The following CD163L1 variants were observed in gnomAD, a reference collection of about 807,000 sequenced individuals.
CD163L1 encodes the protein scavenger receptor cysteine-rich type 1 protein M160.
CD163L1 carries 124 observed loss-of-function variants against 165.4 expected under a neutral mutation model. The observed-to-expected ratio is 0.75, with a 90% confidence interval of 0.65 to 0.87. The LOEUF is 0.87. Among genes scored for constraint, CD163L1 ranks in the 40% least tolerant of loss-of-function variants. CD163L1 has a pLI of 0.00. For synonymous variants in CD163L1, 585 were observed against 662.2 expected (o/e 0.88, Z 1.79); for missense variants, 1,525 against 1,799.9 (o/e 0.85, Z 2.76).
chr12:7,437,136 TTTA>T (rs201889184), intron 2 of CD163L1, among the ~76,000 whole-genome samples: 6 of 129,758 alleles, frequency 4.6e-5, no homozygotes, highest in Non-Finnish European at 9.6e-5. Flanking sequence ...ATTTATTTTA[TTTA>T]TTATTTTTAT....
At position 7,442,242 on chromosome 12, in the gene CD163L1, G is replaced by T. The variant is rs77152693; in HGVS notation, c.32-996C>A. On this transcript the variant is annotated intron_variant, in intron 1 of 19. Coordinates refer to ENST00000313599, the MANE Select transcript of CD163L1 (RefSeq NM_174941.6). ...ATTTTCATTAGTATCTTATGGAAAAGATGAAGTCAGAGTTAAACTGAGCAT... is the reference window on the plus strand; with the variant it reads ...ATTTTCATTAGTATCTTATGGAAAATATGAAGTCAGAGTTAAACTGAGCAT... Among the ~76,000 whole-genome samples the T allele has an allele frequency of 3.1e-3, 476 of 152,270 alleles. 24 individuals are homozygous for T. The East Asian group carries it at 0.075, about 24-fold the overall frequency.
the CD163L1 span, among the ~76,000 whole-genome samples, chr12:7,340,175 C>T: frequency 1.3e-5 from 2 of 152,108 alleles, no homozygotes; most frequent in Admixed American, 6.6e-5. Context: ...CCTATAGATA[C>T]CCTGAAGAGG....
chr12:7,389,658 G>T (rs1046377874), intron 8 of CD163L1, among the ~76,000 whole-genome samples: 3 of 151,976 alleles, frequency 2.0e-5, no homozygotes, highest in African/African-American at 7.2e-5. Flanking sequence ...ATAAGTTAAA[G>T]AATGTAATTG....
At position 7,406,725 on chromosome 12, in the gene CD163L1, G is replaced by A. The variant is rs767846064; in HGVS notation, c.894C>T (p.Val298=). The stretch of plus-strand genomic sequence containing the variant: ...TTCCACATCCCAACTGCTTGCATAC[G>A]ACATCAGCTGCAGCATTGTTCCACT... The part of the protein sequence containing the change: ...HHKWNNAAAD[V]VCKQLGCGTA... Residue 298 remains valine (V), a synonymous_variant, in exon 5 of 20, where the codon GTC becomes GTT. Coordinates refer to ENST00000313599, the MANE Select transcript of CD163L1 (RefSeq NM_174941.6). 8.7e-6 allele frequency: 14 copies of A among 1,613,986 alleles called. No homozygotes were observed. In the East Asian group the frequency reaches 2.0e-4, roughly 23 times the overall value.
At chr12:7,324,282 C>T in the CD163L1 span, 19 of 1,612,364 alleles carry the variant, frequency 1.2e-5, no homozygotes, top group Non-Finnish European at 1.4e-5. Flanking sequence ...GGACAATCCA[C>T]AGAAAACTGC....
At chr12:7,327,401 T>A in the CD163L1 span, among the ~76,000 whole-genome samples, 1 of 152,280 alleles carries the variant, frequency 6.6e-6, no homozygotes, top group East Asian at 1.9e-4. Flanking sequence ...TGCCTTGTTT[T>A]TAGGGACAGT....
intron 8 of CD163L1, among the ~76,000 whole-genome samples, chr12:7,388,921 T>C (rs999242158): frequency 6.6e-6 from 1 of 152,212 alleles, no homozygotes; most frequent in African/African-American, 2.4e-5. Flanking sequence ...CTCCATGTTG[T>C]TGCAAATCAT....
chr12:7,336,729 A>G, the CD163L1 span, among the ~76,000 whole-genome samples: 15 of 152,178 alleles, frequency 9.9e-5, no homozygotes, highest in African/African-American at 3.6e-4. Context: ...CATAGGAAGA[A>G]TCAATATCGT....
chr12:7,369,637 G>C lies in CD163L1; in HGVS notation c.3759C>G (p.Thr1253=), dbSNP rs531499565. 2.5e-6 allele frequency: 4 copies of C among 1,613,972 alleles called. No homozygotes were observed. Among genetic ancestry groups the C allele is most frequent in the Non-Finnish European group, 1.7e-6 (2 of 1,179,944 alleles). The change falls in exon 15 of 20, where the codon ACC becomes ACG. Residue 1253 remains threonine (T), a synonymous_variant. Transcript: ENST00000313599. This position sits in a 1 kb window ranked among gnomAD's most constrained non-coding sequence, Gnocchi z 4.9. ...AGATCTCCACTCTCCCAGAGCACTC[G>C]GTGTCTCCTCCACGCACTCTTATTC... ...EDRIRVRGGD[T]ECSGRVEIWH...
At chr12:7,384,901 C>G (rs1329695505) in intron 8 of CD163L1, among the ~76,000 whole-genome samples, 1 of 151,112 alleles carries the variant, frequency 6.6e-6, no homozygotes, top group Non-Finnish European at 1.5e-5. Context: ...CATAGAAAAC[C>G]ACAAAACAGC....
At chr12:7,406,883 GT>G (rs760755360) in intron 4 of CD163L1, 31 bp from the exon 5 acceptor site, 1 of 1,592,028 alleles carries the variant, frequency 6.3e-7, no homozygotes, top group South Asian at 1.1e-5. Flanking sequence ...CAAAGCCCAG[GT>G]GAAGTTTTGA....
intron 7 of CD163L1, among the ~76,000 whole-genome samples, chr12:7,396,918 G>A (rs1947790385): frequency 6.6e-6 from 1 of 152,084 alleles, no homozygotes; most frequent in Non-Finnish European, 1.5e-5. Flanking sequence ...GGAGAACCCT[G>A]AATAACGCAG....
chr12:7,411,346 T>G (rs112978939), intron 4 of CD163L1, among the ~76,000 whole-genome samples: 46 of 152,308 alleles, frequency 3.0e-4, no homozygotes, highest in African/African-American at 1.1e-3. Flanking sequence ...ATTATTCCCC[T>G]GATATGGTTT....
At chr12:7,408,164 T>C (rs1206748210) in intron 4 of CD163L1, among the ~76,000 whole-genome samples, 6 of 152,044 alleles carry the variant, frequency 3.9e-5, no homozygotes, top group African/African-American at 1.4e-4. Flanking sequence ...CTCCAATTGC[T>C]TGTTTTGTCC....
At chr12:7,375,643 C>T (rs903832295) in intron 10 of CD163L1, 48 bp from the exon 11 acceptor site, 2 of 1,610,102 alleles carry the variant, frequency 1.2e-6, no homozygotes, top group East Asian at 2.2e-5. Context: ...TTATCAGCTC[C>T]AGCCCCAAAC....
intron 2 of CD163L1, chr12:7,440,091 G>A (rs947689496): frequency 8.5e-6 from 8 of 936,356 alleles, no homozygotes; most frequent in Non-Finnish European, 1.3e-5. Flanking sequence ...CGGCGTAACG[G>A]AAGCCGACCA....
intron 4 of CD163L1, among the ~76,000 whole-genome samples, chr12:7,427,513 T>C (rs189240740): frequency 9.9e-5 from 15 of 152,214 alleles, no homozygotes; most frequent in Admixed American, 3.3e-4. Context: ...AAATTAATAA[T>C]AAAATGAGTG....
At chr12:7,440,700 C>G (rs1948820378) in intron 2 of CD163L1, among the ~76,000 whole-genome samples, 1 of 149,894 alleles carries the variant, frequency 6.7e-6, no homozygotes, top group Non-Finnish European at 1.5e-5. Flanking sequence ...GATCTCGGCT[C>G]ACTACAACCT....
chr12:7,323,226 C>T, the CD163L1 span: 2 of 1,602,942 alleles, frequency 1.2e-6, no homozygotes, highest in South Asian at 1.1e-5. Flanking sequence ...AGCTTGTCCT[C>T]TCAATAGGGA....
Sources: gnomAD v4.1 joint callset for allele counts (sites outside exome capture counted in the v4.1 genomes callset) on GRCh38, gnomAD v4.1.1 for gene constraint, Gnocchi (gnomAD v3.1) non-coding constraint, MANE v1.5 for transcripts, NCBI Gene and HGNC (gene_info 2026-07-23, HGNC 2026-07-21) for gene names.